The following LRRTM4 variants were observed in gnomAD, a reference collection of about 807,000 sequenced individuals.
The protein encoded by LRRTM4 is leucine rich repeat transmembrane neuronal 4.
Under a neutral mutation model 47.6 loss-of-function variants are expected in LRRTM4, and 25 were observed. That is an observed-to-expected ratio of 0.53 (90% CI 0.38 to 0.73). The LOEUF is 0.73. Among genes scored for constraint, LRRTM4 ranks in the 30% least tolerant of loss-of-function variants. The probability of loss-of-function intolerance (pLI) is 0.00; values close to 1 mark genes in which losing one functional copy is unlikely to be tolerated. For missense variants in LRRTM4, 638 were observed against 713.4 expected (o/e 0.89, Z 1.20); for synonymous variants, 311 against 269.5 (o/e 1.15, Z -1.51).
intron 3 of LRRTM4, among the ~76,000 whole-genome samples, chr2:76,769,283 T>A (rs1673584997): frequency 6.6e-6 from 1 of 152,166 alleles, no homozygotes; most frequent in African/African-American, 2.4e-5. Flanking sequence ...AAGTGATCTC[T>A]AATGATTCCA....
intron 3 of LRRTM4, among the ~76,000 whole-genome samples, chr2:77,313,863 T>G (rs1677543709): frequency 6.6e-6 from 1 of 152,122 alleles, no homozygotes; most frequent in South Asian, 2.1e-4. Context: ...CACACCCCAC[T>G]CAAAATCAAA....
At chr2:77,053,090 G>A (rs1366676244) in intron 3 of LRRTM4, among the ~76,000 whole-genome samples, 1 of 152,098 alleles carries the variant, frequency 6.6e-6, no homozygotes, top group African/African-American at 2.4e-5. Context: ...GTGAGTCCTT[G>A]GTGATAACTA....
chr2:77,058,951 G>GT lies in LRRTM4; in HGVS notation c.1552-310036dup, dbSNP rs549690646. Among the ~76,000 whole-genome samples, 349 of 151,868 alleles carry GT rather than the reference G, an allele frequency of 2.3e-3. 6 individuals carry two copies. Among genetic ancestry groups the GT allele is most frequent in the African/African-American group, 7.2e-3 (297 of 41,300 alleles). ...TCTATAAATATACTTAGAAATTAGAGTTTTTTATTGAGTGAGTATTGAAAT... is the reference window on the plus strand; with the variant it reads ...TCTATAAATATACTTAGAAATTAGAGTTTTTTTATTGAGTGAGTATTGAAAT... On this transcript the variant is annotated intron_variant, in intron 3 of 3. Transcript: ENST00000409884.
At chr2:76,808,032 C>G (rs1670604345) in intron 3 of LRRTM4, among the ~76,000 whole-genome samples, 1 of 131,672 alleles carries the variant, frequency 7.6e-6, no homozygotes, top group South Asian at 2.4e-4. Flanking sequence ...TTCCTCTTTT[C>G]TTTTCTTTCT....
At chr2:77,489,246 T>C (rs1049319158) in intron 3 of LRRTM4, among the ~76,000 whole-genome samples, 2 of 152,158 alleles carry the variant, frequency 1.3e-5, no homozygotes, top group African/African-American at 4.8e-5. Flanking sequence ...AATATTACCC[T>C]TTGGGAGAAG....
intron 3 of LRRTM4, among the ~76,000 whole-genome samples, chr2:76,937,154 A>G (rs1360070156): frequency 1.3e-5 from 2 of 151,962 alleles, no homozygotes; most frequent in African/African-American, 2.4e-5. Flanking sequence ...CCCAACTCTA[A>G]AGAGAAAACA....
chr2:77,251,025 C>A (rs1254460522), intron 3 of LRRTM4, among the ~76,000 whole-genome samples: 1 of 151,764 alleles, frequency 6.6e-6, no homozygotes, highest in Non-Finnish European at 1.5e-5. Context: ...ATCCCTTGAA[C>A]CTGGGAGGTG....
At position 77,316,138 on chromosome 2, in the gene LRRTM4, T is replaced by G. The variant is rs921781909; in HGVS notation, c.1551+202180A>C. Among the ~76,000 whole-genome samples, 3 of 152,302 alleles carry G rather than the reference T, an allele frequency of 2.0e-5. No individual in the cohort carries two copies. In the East Asian group the frequency reaches 5.8e-4, roughly 29 times the overall value. On this transcript the variant is annotated intron_variant, in intron 3 of 3. Coordinates refer to ENST00000409884, the MANE Select transcript of LRRTM4 (RefSeq NM_001134745.3). ...CAGAGGCAAAATGGTTCTAGATTCT[T>G]GCTGCTTGCTTTATAATTTGGGGCC...
chr2:77,242,548 AG>A (rs1675298735), intron 3 of LRRTM4, among the ~76,000 whole-genome samples: 1 of 152,154 alleles, frequency 6.6e-6, no homozygotes, highest in African/African-American at 2.4e-5. Flanking sequence ...ATGACCAATA[AG>A]TACATGAAAA....
intron 3 of LRRTM4, among the ~76,000 whole-genome samples, chr2:77,298,124 A>G (rs2104152619): frequency 6.6e-6 from 1 of 152,316 alleles, no homozygotes; most frequent in South Asian, 2.1e-4. Context: ...AGTCAGTAGG[A>G]ATAGTATCCC....
intron 3 of LRRTM4, among the ~76,000 whole-genome samples, chr2:77,043,201 G>A (rs143213661): frequency 1.1e-4 from 16 of 151,660 alleles, no homozygotes; most frequent in Admixed American, 9.2e-4. Context: ...GGGGAAAACA[G>A]GCTACTTTAT....
chr2:76,868,169 C>CT (rs1346146223), intron 3 of LRRTM4, among the ~76,000 whole-genome samples: 1 of 152,116 alleles, frequency 6.6e-6, no homozygotes, highest in Non-Finnish European at 1.5e-5. Flanking sequence ...TTCAACTGAA[C>CT]TTTGTCAGAC....
At chr2:77,089,754 C>T (rs13391333) in intron 3 of LRRTM4, among the ~76,000 whole-genome samples, 30,658 of 150,902 alleles carry the variant, frequency 0.2, 3,790 homozygotes, top group East Asian at 0.46. Context: ...TCTGCAATGC[C>T]GCTTGACCCC....
intron 3 of LRRTM4, among the ~76,000 whole-genome samples, chr2:76,828,541 A>G (rs1671248316): frequency 6.6e-6 from 1 of 151,958 alleles, no homozygotes; most frequent in Non-Finnish European, 1.5e-5. Context: ...GAGAAAGGAT[A>G]AGAGAAATGT....
intron 3 of LRRTM4, chr2:77,517,130 A>T: frequency 1.0e-6 from 1 of 985,182 alleles, no homozygotes. Context: ...CATTACCAAG[A>T]AAAGAACAAT....
intron 3 of LRRTM4, among the ~76,000 whole-genome samples, chr2:77,293,409 A>C (rs1163889424): frequency 6.6e-6 from 1 of 152,138 alleles, no homozygotes; most frequent in Non-Finnish European, 1.5e-5. Context: ...AATGGGGTAA[A>C]TGAACAAAGC....
intron 3 of LRRTM4, among the ~76,000 whole-genome samples, chr2:77,480,783 G>GCAGTGTGTGTGTGTGTGTGTGT (rs199521864): frequency 1.0e-4 from 10 of 97,056 alleles, no homozygotes; most frequent in African/African-American, 4.1e-4. Flanking sequence ...GGCTGTTTTA[G>GCAGTGTGTGTGTGTGTGTGTGT]GAGTGTGTGT....
intron 3 of LRRTM4, among the ~76,000 whole-genome samples, chr2:76,959,087 T>C (rs1033069557): frequency 6.6e-5 from 10 of 151,752 alleles, no homozygotes; most frequent in Admixed American, 2.0e-4. Flanking sequence ...ATCAGGCCTC[T>C]AAGCCCAGGG....
intron 3 of LRRTM4, among the ~76,000 whole-genome samples, chr2:77,421,809 C>A (rs922820350): frequency 6.6e-6 from 1 of 151,986 alleles, no homozygotes; most frequent in Non-Finnish European, 1.5e-5. Flanking sequence ...GTCAATAACA[C>A]CAGGGTTGAG....
Sources: allele counts gnomAD v4.1 joint callset (sites outside exome capture counted in the v4.1 genomes callset), GRCh38; gene constraint gnomAD v4.1.1; transcripts MANE v1.5; gene names NCBI Gene and HGNC (gene_info 2026-07-23, HGNC 2026-07-21).